FBXL20: variants seen among roughly 807,000 people sequenced by gnomAD.
The protein encoded by FBXL20 is F-box and leucine rich repeat protein 20.
In FBXL20, 11 loss-of-function variants were observed where a neutral mutation model predicts 64.0. The ratio of observed to expected loss-of-function variants is 0.17; its 90% confidence interval spans 0.11 to 0.28. The LOEUF is 0.28. FBXL20 is among the 10% of genes least tolerant of loss of function. FBXL20 has a pLI of 1.00. For missense variants in FBXL20, 303 were observed against 526.2 expected, an observed-to-expected ratio of 0.58 and a Z score of 4.15; for synonymous variants, 184 against 189.0, an observed-to-expected ratio of 0.97 and a Z score of 0.22.
intron 1 of FBXL20, among the ~76,000 whole-genome samples, chr17:39,378,655 G>A (rs1455977386): frequency 6.6e-6 from 1 of 151,768 alleles, no homozygotes; most frequent in Non-Finnish European, 1.5e-5. Context: ...TGTTGCCCAG[G>A]CTGGAGTGCA....
chr17:39,358,882 A>G (rs2047767201), intron 1 of FBXL20, among the ~76,000 whole-genome samples: 1 of 152,194 alleles, frequency 6.6e-6, no homozygotes, highest in African/African-American at 2.4e-5. Context: ...CAACTAAAAA[A>G]TGGGCAAAAG....
At chr17:39,343,971 C>A (rs1048592724) in intron 1 of FBXL20, among the ~76,000 whole-genome samples, 5 of 152,080 alleles carry the variant, frequency 3.3e-5, no homozygotes, top group African/African-American at 1.2e-4. Context: ...TCAAGCAATT[C>A]TCCTGCTTCA....
chr17:39,264,711 T>C (rs936172627), intron 13 of FBXL20, among the ~76,000 whole-genome samples: 1 of 152,214 alleles, frequency 6.6e-6, no homozygotes, highest in Non-Finnish European at 1.5e-5. Flanking sequence ...CAGGGATAAA[T>C]GGGAATCAAG....
rs2144325640 is a variant in FBXL20, at chr17:39,259,526, A to G, written c.*1934T>C. ...TTCCTTTATCCTCTGATTTTTTGGG[A>G]AGACAGAGGGTGCTTCTTCTTGGAC... is the stretch of plus-strand genomic sequence containing the variant. On this transcript the variant is annotated 3_prime_UTR_variant, in exon 15 of 15. Coordinates refer to ENST00000264658, the MANE Select transcript of FBXL20 (RefSeq NM_032875.3). 6.6e-6 allele frequency: 1 copy of G among 152,058 alleles called. No homozygotes were observed. Among genetic ancestry groups the G allele is most frequent in the Non-Finnish European group, 1.5e-5 (1 of 67,990 alleles). The allele number at this position is 152,058 out of a possible 1,614,324, so 9.4% of individuals were successfully genotyped here. A position where few individuals can be genotyped will look rare whatever the true frequency, so the allele number is the denominator to read the frequency against.
intron 1 of FBXL20, among the ~76,000 whole-genome samples, chr17:39,356,102 C>T (rs550160456): frequency 3.4e-4 from 51 of 149,616 alleles, no homozygotes; most frequent in Non-Finnish European, 6.5e-4. Flanking sequence ...TAATCCCCTG[C>T]TACTTGGGAG....
At chr17:39,322,682 T>A (rs945135070) in intron 2 of FBXL20, among the ~76,000 whole-genome samples, 1 of 152,148 alleles carries the variant, frequency 6.6e-6, no homozygotes, top group African/African-American at 2.4e-5. Context: ...AAGCATGTTT[T>A]GATAGGAACA....
chr17:39,372,710 G>A (rs972112471), intron 1 of FBXL20, among the ~76,000 whole-genome samples: 1 of 150,022 alleles, frequency 6.7e-6, no homozygotes, highest in African/African-American at 2.4e-5. Flanking sequence ...CCACCTCCCA[G>A]GTTTGAGCAA....
At chr17:39,274,894 AAAGTTCC>A in intron 10 of FBXL20, 69 bp downstream of exon 10, 2 of 1,587,482 alleles carry the variant, frequency 1.3e-6, no homozygotes. Context: ...TTAAAATTCC[AAAGTTCC>A]AAGGAAGAAA....
intron 1 of FBXL20, among the ~76,000 whole-genome samples, chr17:39,343,485 T>C (rs951509890): frequency 6.6e-6 from 1 of 152,170 alleles, no homozygotes; most frequent in Non-Finnish European, 1.5e-5. Context: ...AGATACTGTT[T>C]CAGATGTTTT....
Position 39,265,445 on chromosome 17 carries a change from A to G in FBXL20, c.942T>C (p.Asp314=). 1.2e-6 allele frequency: 2 copies of G among 1,606,772 alleles called. No homozygotes were observed. The highest frequency in any genetic ancestry group is 2.2e-5 in the East Asian group (1 of 44,840). The stretch of plus-strand genomic sequence containing the variant: ...GTATAGAAAGTTGGATTAATGTGCT[A>G]TCTGTTATCTGAAAGAAATAACGTA... The part of the protein sequence containing the change: ...MDLEECVQIT[D]STLIQLSIHC... The change falls in exon 13 of 15, where the codon GAT becomes GAC. Residue 314 remains aspartate (D), a synonymous_variant. Coordinates refer to ENST00000264658, the MANE Select transcript of FBXL20 (RefSeq NM_032875.3).
intron 1 of FBXL20, among the ~76,000 whole-genome samples, chr17:39,356,269 A>C (rs2047738751): frequency 6.6e-6 from 1 of 152,028 alleles, no homozygotes; most frequent in African/African-American, 2.4e-5. Context: ...ACTTAAGTCT[A>C]AGATCCATTT....
intron 1 of FBXL20, among the ~76,000 whole-genome samples, chr17:39,382,966 C>T (rs1454461474): frequency 6.6e-6 from 1 of 151,488 alleles, no homozygotes; most frequent in Non-Finnish European, 1.5e-5. Context: ...ACCATCTTGG[C>T]CAACATGGTG....
intron 1 of FBXL20, among the ~76,000 whole-genome samples, chr17:39,395,489 T>G (rs927072525): frequency 3.9e-5 from 6 of 152,180 alleles, no homozygotes; most frequent in African/African-American, 1.4e-4. Flanking sequence ...AACAACACTA[T>G]TCAAAAAGGA....
intron 2 of FBXL20, among the ~76,000 whole-genome samples, chr17:39,326,305 A>G (rs2047408203): frequency 6.6e-6 from 1 of 152,196 alleles, no homozygotes; most frequent in Non-Finnish European, 1.5e-5. Flanking sequence ...ACGAAAATAA[A>G]TGAGTAAAAC....
At chr17:39,371,366 T>G (rs770376266) in intron 1 of FBXL20, among the ~76,000 whole-genome samples, 2 of 152,160 alleles carry the variant, frequency 1.3e-5, no homozygotes, top group African/African-American at 4.8e-5. Flanking sequence ...AATTCAGCTA[T>G]CTTTTCTCTG....
chr17:39,276,369 G>T lies in FBXL20; in HGVS notation c.697-1269C>A, dbSNP rs907126127. ...AGAGAAGAAAGAAAGGAAGAAGGAG[G>T]GAGGGAGGGAAGTTATTGAGGCCGG... On this transcript the variant is annotated intron_variant, in intron 9 of 14. Transcript: ENST00000264658. 7.0e-4 allele frequency among the ~76,000 whole-genome samples: 105 copies of T among 150,362 alleles called. 1 individual carries two copies. The highest frequency in any genetic ancestry group is 3.4e-3 in the Middle Eastern group (1 of 292).
intron 1 of FBXL20, among the ~76,000 whole-genome samples, chr17:39,391,170 A>G (rs2048129907): frequency 6.6e-6 from 1 of 151,546 alleles, no homozygotes; most frequent in African/African-American, 2.4e-5. Context: ...TAATCCTAGC[A>G]CTTTGGGTGG....
chr17:39,383,768 T>G (rs2048049807), intron 1 of FBXL20, among the ~76,000 whole-genome samples: 1 of 151,804 alleles, frequency 6.6e-6, no homozygotes, highest in South Asian at 2.1e-4. Context: ...TTTTTGTATT[T>G]TAGTAGAGAC....
intron 1 of FBXL20, among the ~76,000 whole-genome samples, chr17:39,344,584 G>A (rs2047614607): frequency 6.6e-6 from 1 of 151,470 alleles, no homozygotes; most frequent in Admixed American, 6.6e-5. Context: ...TGAGGAGTTC[G>A]AGACCAGCCT....
Sources: allele counts gnomAD v4.1 joint callset (sites outside exome capture counted in the v4.1 genomes callset), GRCh38; gene constraint gnomAD v4.1.1; transcripts MANE v1.5; gene names NCBI Gene and HGNC (gene_info 2026-07-23, HGNC 2026-07-21).